The following PRUNE2 variants were observed in gnomAD, a reference collection of about 807,000 sequenced individuals.
PRUNE2 encodes the protein prune homolog 2 with BCH domain, also known as protein prune homolog 2.
In PRUNE2, 164 loss-of-function variants were observed where a neutral mutation model predicts 252.0. The observed-to-expected ratio is 0.65, with a 90% CI of 0.57 to 0.74. PRUNE2 has a LOEUF of 0.74. Among genes scored for constraint, PRUNE2 ranks in the 30% least tolerant of loss-of-function variants. The pLI is 0.00. For synonymous variants in PRUNE2, 1,292 were observed against 1,350.2 expected, an observed-to-expected ratio of 0.96 and a Z score of 0.94; for missense variants, 3,495 against 3,711.0, an observed-to-expected ratio of 0.94 and a Z score of 1.51.
intron 1 of PRUNE2, among the ~76,000 whole-genome samples, chr9:76,870,252 AAAG>A (rs753648093): frequency 3.4e-4 from 52 of 152,034 alleles, no homozygotes; most frequent in Non-Finnish European, 6.8e-4. Flanking sequence ...ATTCTTGTCA[AAAG>A]AAGAGAGCAA....
intron 1 of PRUNE2, among the ~76,000 whole-genome samples, chr9:76,884,690 G>T (rs780595795): frequency 6.6e-6 from 1 of 152,022 alleles, no homozygotes; most frequent in Non-Finnish European, 1.5e-5. Context: ...CCCATTGAAC[G>T]GCATTACTAG....
At chr9:76,686,074 A>G (rs2044051699) in intron 9 of PRUNE2, among the ~76,000 whole-genome samples, 1 of 152,212 alleles carries the variant, frequency 6.6e-6, no homozygotes, top group Non-Finnish European at 1.5e-5. Context: ...TGAGGGATAC[A>G]TTCAGTAATC....
At chr9:76,725,106 G>A (rs980493434) in intron 6 of PRUNE2, among the ~76,000 whole-genome samples, 1 of 152,052 alleles carries the variant, frequency 6.6e-6, no homozygotes, top group East Asian at 1.9e-4. Flanking sequence ...ATTTTCCTTT[G>A]TAAAAATAAA....
intron 16 of PRUNE2, among the ~76,000 whole-genome samples, chr9:76,626,909 A>C (rs975822722): frequency 6.6e-6 from 1 of 152,158 alleles, no homozygotes; most frequent in African/African-American, 2.4e-5. Context: ...TCTCAGAGAC[A>C]TTGAGAGGTA....
At chr9:76,662,332 G>A (rs185922277) in intron 9 of PRUNE2, among the ~76,000 whole-genome samples, 7 of 152,300 alleles carry the variant, frequency 4.6e-5, no homozygotes, top group Admixed American at 6.5e-5. Context: ...ACGTATATTC[G>A]TAGATTGTGT....
chr9:76,733,632 T>A (rs1372945977), intron 6 of PRUNE2: 1 of 152,150 alleles, frequency 6.6e-6, no homozygotes, highest in African/African-American at 2.4e-5. Context: ...CTTGAACTCC[T>A]GAGTTCAAAT....
At position 76,708,598 on chromosome 9, in the gene PRUNE2, C is replaced by T. The variant is rs762014437; in HGVS notation, c.3676G>A (p.Asp1226Asn). The T allele has an allele frequency of 6.2e-7, 1 of 1,613,930 alleles. No individual in the cohort carries two copies. Among genetic ancestry groups the T allele is most frequent in the South Asian group, 1.1e-5 (1 of 91,084 alleles). ...AACATGAATGATGACATGTCTTTAT[C>T]TCTCATGACAGAATCCCAAATACTG... ...ANSIWDSVMR[D>N]KDMSSFMLPG... Residue 1226 changes from aspartate to asparagine, a missense_variant, in exon 8 of 19, where the codon GAT becomes AAT. By Grantham distance (23) the Asp-to-Asn change is conservative. Transcript: ENST00000376718.
chr9:76,727,546 T>G (rs1022005611), intron 6 of PRUNE2, among the ~76,000 whole-genome samples: 1 of 152,096 alleles, frequency 6.6e-6, no homozygotes, highest in African/African-American at 2.4e-5. Context: ...AGCAGGATGG[T>G]TTAAAAGAGC....
chr9:76,894,601 A>G (rs929047031), intron 1 of PRUNE2, among the ~76,000 whole-genome samples: 1 of 152,082 alleles, frequency 6.6e-6, no homozygotes, highest in Non-Finnish European at 1.5e-5. Flanking sequence ...TGAGGAATGT[A>G]AAGAGGATCA....
intron 4 of PRUNE2, among the ~76,000 whole-genome samples, chr9:76,838,645 C>CAAA (rs10540002): frequency 2.7e-4 from 23 of 84,660 alleles, no homozygotes; most frequent in Non-Finnish European, 4.6e-4. Context: ...AACTCTGTCT[C>CAAA]AAAAAAAAAA....
At chr9:76,731,373 A>G (rs1215459275) in intron 6 of PRUNE2, among the ~76,000 whole-genome samples, 1 of 145,446 alleles carries the variant, frequency 6.9e-6, no homozygotes, top group African/African-American at 2.6e-5. Context: ...CCCAGGCTGG[A>G]GTGCAGTGGT....
intron 9 of PRUNE2, among the ~76,000 whole-genome samples, chr9:76,663,667 G>A (rs1195931076): frequency 6.6e-6 from 1 of 152,120 alleles, no homozygotes; most frequent in East Asian, 1.9e-4. Context: ...GAGGAACGCT[G>A]AGCAGGAATA....
intron 6 of PRUNE2, chr9:76,736,401 G>A (rs1172005043): frequency 6.6e-6 from 1 of 152,218 alleles, no homozygotes; most frequent in Admixed American, 6.5e-5. Context: ...TGAACAGAAG[G>A]TAAATAATTT....
chr9:76,882,691 A>C (rs1239449782), intron 1 of PRUNE2, among the ~76,000 whole-genome samples: 1 of 152,192 alleles, frequency 6.6e-6, no homozygotes, highest in African/African-American at 2.4e-5. Flanking sequence ...CTATCACAGG[A>C]GCCGTACCAG....
intron 1 of PRUNE2, among the ~76,000 whole-genome samples, chr9:76,886,101 G>A (rs559671435): frequency 9.4e-4 from 143 of 151,560 alleles, no homozygotes; most frequent in Non-Finnish European, 1.5e-3. Context: ...CAGGAGAATC[G>A]CTTGAACCCA....
At chr9:76,730,946 C>T (rs973271118) in intron 6 of PRUNE2, among the ~76,000 whole-genome samples, 1 of 152,120 alleles carries the variant, frequency 6.6e-6, no homozygotes, top group Non-Finnish European at 1.5e-5. Context: ...TGAAAGGAAA[C>T]ACCAAACATT....
chr9:76,735,419 C>CT lies in PRUNE2; in HGVS notation c.757-21699dup, dbSNP rs34406993. Among the ~76,000 whole-genome samples, 384 of 133,088 alleles carry CT rather than the reference C, an allele frequency of 2.9e-3. 1 individual carries two copies. Among genetic ancestry groups the CT allele is most frequent in the Non-Finnish European group, 4.6e-3 (284 of 62,294 alleles). 87.3% of individuals were successfully genotyped at this position (133,088 alleles called of 152,430 possible). ...ATTGAGGAAGATAGTTTTCTTTCTT[C>CT]TTTTTTTTTTTTTTTTTTTATGCCA... On this transcript the variant is annotated intron_variant, in intron 6 of 18. Transcript: ENST00000376718.
chr9:76,709,487 T>C lies in PRUNE2; in HGVS notation c.2787A>G (p.Gly929=), dbSNP rs1473047727. 6.2e-7 allele frequency: 1 copy of C among 1,613,910 alleles called. No homozygotes were observed. The highest frequency in any genetic ancestry group is 8.5e-7 in the Non-Finnish European group (1 of 1,179,888). The change falls in exon 8 of 19, where the codon GGA becomes GGG. Residue 929 remains glycine (G), a synonymous_variant. Transcript: ENST00000376718. Reference sequence around the variant, plus strand: ...CCCAAGGAACTAGGACATCTGACCCTCCTTTCTTCATATTCTCCTCAAAAA... The same window carrying C: ...CCCAAGGAACTAGGACATCTGACCCCCCTTTCTTCATATTCTCCTCAAAAA... ...WNLFEENMKK[G]GSDVLVPWED...
chr9:76,779,228 TAG>T (rs1225564083), intron 6 of PRUNE2, among the ~76,000 whole-genome samples: 1 of 140,754 alleles, frequency 7.1e-6, no homozygotes, highest in African/African-American at 2.9e-5. Flanking sequence ...GTGAAAAACT[TAG>T]ACTTTTTTTT....
Sources: gnomAD v4.1 joint callset for allele counts (sites outside exome capture counted in the v4.1 genomes callset) on GRCh38, gnomAD v4.1.1 for gene constraint, MANE v1.5 for transcripts, NCBI Gene and HGNC (gene_info 2026-07-23, HGNC 2026-07-21) for gene names.